Variants in PCSK5 observed in about 807,000 individuals in gnomAD.
PCSK5 encodes the protein prohormone convertase 5.
PCSK5 carries 129 observed loss-of-function variants against 233.2 expected under a neutral mutation model. The observed-to-expected ratio is 0.55, with a 90% CI of 0.48 to 0.64. PCSK5 has a LOEUF of 0.64. Among genes scored for constraint, PCSK5 ranks in the 30% least tolerant of loss-of-function variants. The pLI, the probability that PCSK5 is intolerant of heterozygous loss-of-function variation, is 0.00. For missense variants in PCSK5, 2,076 were observed against 2,430.1 expected (o/e 0.85, Z 3.06); for synonymous variants, 825 against 879.2 (o/e 0.94, Z 1.09).
rs562134326 is a variant in PCSK5 at position 76,075,820 on chromosome 9, G to A, written c.894+3922G>A. ...TATCATCTACAAAAATGTAGGGATT[G>A]GAATTTATTTATTCATCATATTAAG... On this transcript the variant is annotated intron_variant, in intron 7 of 37. Transcript: ENST00000674117. Among the ~76,000 whole-genome samples the A allele has an allele frequency of 7.9e-5, 12 of 152,292 alleles. No individual in the cohort carries two copies. The East Asian group carries it at 1.9e-3, about 24-fold the overall frequency.
At chr9:75,891,531 G>GCACACA (rs34768107) in intron 1 of PCSK5, among the ~76,000 whole-genome samples, 158 bp downstream of exon 1, 140 of 148,792 alleles carry the variant, frequency 9.4e-4, no homozygotes, top group African/African-American at 3.3e-3. Flanking sequence ...GCGCGCGTAC[G>GCACACA]CACACACACA....
chr9:76,105,905 CT>C (rs1048142997), intron 8 of PCSK5, among the ~76,000 whole-genome samples: 11 of 152,180 alleles, frequency 7.2e-5, no homozygotes, highest in African/African-American at 2.7e-4. Flanking sequence ...GCCAGAATGC[CT>C]ATCTAGATCC....
chr9:76,181,754 A>G (rs978731619), intron 16 of PCSK5, among the ~76,000 whole-genome samples, 163 bp downstream of exon 16: 2 of 152,168 alleles, frequency 1.3e-5, no homozygotes, highest in African/African-American at 4.8e-5. Flanking sequence ...CTTCATGTAA[A>G]AATGCTTATA....
At chr9:76,045,426 C>T (rs1482014259) in intron 5 of PCSK5, among the ~76,000 whole-genome samples, 1 of 152,174 alleles carries the variant, frequency 6.6e-6, no homozygotes, top group Admixed American at 6.5e-5. Flanking sequence ...AAGCATTCCT[C>T]CTTTTAGATT....
At chr9:76,252,075 C>T (rs7857235) in intron 24 of PCSK5, among the ~76,000 whole-genome samples, 2,411 of 151,962 alleles carry the variant, frequency 0.016, 57 homozygotes, top group African/African-American at 0.054. Flanking sequence ...AGACCATCCT[C>T]GCTAACACGG....
rs1307031509 is a variant in PCSK5 at position 75,982,891 on chromosome 9, T to A, written c.298-3241T>A. Among the ~76,000 whole-genome samples the A allele has an allele frequency of 3.9e-5, 6 of 152,262 alleles. No individual in the cohort carries two copies. The East Asian group carries it at 9.6e-4, about 24-fold the overall frequency. ...AGATTAGTGTTAAACATCTCTCATA[T>A]TTCTTAAAGTACCTTTACATTTAAA... On this transcript the variant is annotated intron_variant, in intron 2 of 37. Coordinates refer to ENST00000674117, the MANE Select transcript of PCSK5 (RefSeq NM_001372043.1).
intron 5 of PCSK5, among the ~76,000 whole-genome samples, chr9:76,059,577 G>T (rs916188730): frequency 1.3e-5 from 2 of 152,000 alleles, no homozygotes; most frequent in Non-Finnish European, 2.9e-5. Flanking sequence ...TCTACATATG[G>T]CTGGCCAGTT....
At chr9:76,257,627 C>T (rs1351852240) in intron 24 of PCSK5, among the ~76,000 whole-genome samples, 9 of 152,138 alleles carry the variant, frequency 5.9e-5, no homozygotes, top group Non-Finnish European at 1.0e-4. Flanking sequence ...GTGGGCCAGC[C>T]GGGGCCGTCA....
At chr9:76,152,078 C>T (rs77520849) in intron 10 of PCSK5, among the ~76,000 whole-genome samples, 5,177 of 152,168 alleles carry the variant, frequency 0.034, 126 homozygotes, top group Non-Finnish European at 0.051. Context: ...TATGTGCATC[C>T]GAACAAATAG....
intron 3 of PCSK5, among the ~76,000 whole-genome samples, chr9:76,001,706 T>G (rs1489437550): frequency 6.6e-6 from 1 of 152,186 alleles, no homozygotes; most frequent in Non-Finnish European, 1.5e-5. Flanking sequence ...TTATTTCCCC[T>G]AATGTGCCTG....
chr9:76,002,052 T>C (rs986799323), intron 3 of PCSK5, among the ~76,000 whole-genome samples: 3 of 152,340 alleles, frequency 2.0e-5, no homozygotes, highest in South Asian at 4.1e-4. Context: ...GTAATTCCCA[T>C]AGAAGAAAAG....
At chr9:76,315,748 T>G (rs1829005952) in intron 30 of PCSK5, among the ~76,000 whole-genome samples, 1 of 149,534 alleles carries the variant, frequency 6.7e-6, no homozygotes, top group Admixed American at 6.7e-5. Context: ...TTCTTCTGCC[T>G]CAGCCTCCTG....
chr9:76,146,572 A>T (rs1390422853), intron 10 of PCSK5, among the ~76,000 whole-genome samples: 1 of 151,558 alleles, frequency 6.6e-6, no homozygotes, highest in Non-Finnish European at 1.5e-5. Context: ...TGATGTTTTA[A>T]TGAGTTCTGA....
intron 22 of PCSK5, among the ~76,000 whole-genome samples, chr9:76,238,008 C>T (rs960935234): frequency 8.5e-5 from 13 of 152,138 alleles, no homozygotes; most frequent in African/African-American, 3.1e-4. Flanking sequence ...TTCTGGATCT[C>T]CATGTGGTAG....
intron 2 of PCSK5, among the ~76,000 whole-genome samples, chr9:75,941,215 G>A (rs1365212228): frequency 1.3e-5 from 2 of 152,108 alleles, no homozygotes; most frequent in Non-Finnish European, 2.9e-5. Flanking sequence ...TAATGTTTGG[G>A]CTTTCTTTTG....
chr9:76,266,653 A>G, intron 24 of PCSK5, among the ~76,000 whole-genome samples: 1 of 152,224 alleles, frequency 6.6e-6, no homozygotes, highest in South Asian at 2.1e-4. Context: ...AAAATGGATC[A>G]ATGCTTTGGC....
chr9:76,167,394 A>G (rs1823129506), intron 12 of PCSK5, among the ~76,000 whole-genome samples: 1 of 152,200 alleles, frequency 6.6e-6, no homozygotes, highest in Admixed American at 6.5e-5. Context: ...TCTGTGTTTG[A>G]TTCAGCCTTT....
At chr9:76,338,622 C>T (rs1829746928) in intron 35 of PCSK5, among the ~76,000 whole-genome samples, 175 bp downstream of exon 35, 1 of 152,082 alleles carries the variant, frequency 6.6e-6, no homozygotes, top group Admixed American at 6.6e-5. Context: ...CACATCTTCC[C>T]TCTAACCTGG....
intron 2 of PCSK5, among the ~76,000 whole-genome samples, 185 bp downstream of exon 2, chr9:75,932,668 T>C (rs1160188119): frequency 6.6e-6 from 1 of 152,166 alleles, no homozygotes; most frequent in African/African-American, 2.4e-5. Flanking sequence ...TTTTTATTGA[T>C]CTGCCACTAT....
Sources: gnomAD v4.1 joint callset for allele counts (sites outside exome capture counted in the v4.1 genomes callset) on GRCh38, gnomAD v4.1.1 for gene constraint, MANE v1.5 for transcripts, NCBI Gene and HGNC (gene_info 2026-07-23, HGNC 2026-07-21) for gene names.